The following STAU2 variants were observed in gnomAD, a reference collection of about 807,000 sequenced individuals.
STAU2 encodes double-stranded RNA-binding protein Staufen homolog 2.
In STAU2, 20 loss-of-function variants were observed where a neutral mutation model predicts 65.9. The ratio of observed to expected loss-of-function variants is 0.30; its 90% CI spans 0.21 to 0.44. The LOEUF is 0.44. STAU2 is among the 20% of genes least tolerant of loss of function. The pLI, the probability that STAU2 is intolerant of heterozygous loss-of-function variation, is 1.00. For synonymous variants in STAU2, 232 were observed against 233.9 expected, an observed-to-expected ratio of 0.99 and a Z score of 0.07; for missense variants, 558 against 683.9, an observed-to-expected ratio of 0.82 and a Z score of 2.05.
chr8:73,666,848 A>G (rs1817276466), intron 6 of STAU2, among the ~76,000 whole-genome samples: 1 of 152,186 alleles, frequency 6.6e-6, no homozygotes. Flanking sequence ...GATATATTAC[A>G]CAAACCTATT....
intron 6 of STAU2, among the ~76,000 whole-genome samples, chr8:73,663,102 A>G: frequency 6.6e-6 from 1 of 152,146 alleles, no homozygotes. Flanking sequence ...AGGGCCCAAT[A>G]TAAAATATTT....
At chr8:73,442,271 G>T (rs1465103031) in intron 13 of STAU2, among the ~76,000 whole-genome samples, 5 of 151,192 alleles carry the variant, frequency 3.3e-5, no homozygotes, top group African/African-American at 1.2e-4. Context: ...GGAGAATGGT[G>T]TGAACTTGGA....
At chr8:73,693,474 C>CATA (rs1819500517) in intron 4 of STAU2, among the ~76,000 whole-genome samples, 1 of 68,450 alleles carries the variant, frequency 1.5e-5, no homozygotes, top group South Asian at 4.8e-4. Context: ...GACTCCGTCT[C>CATA]AAAAAAAAAA....
intron 9 of STAU2, among the ~76,000 whole-genome samples, chr8:73,608,611 A>AC (rs1563455038): frequency 2.8e-5 from 1 of 36,320 alleles, no homozygotes; most frequent in African/African-American, 7.4e-5. Context: ...ACTCCGTCCC[A>AC]TAAAAAAAAA....
chr8:73,747,142 G>A (rs1424193123), upstream of STAU2, among the ~76,000 whole-genome samples: 2 of 151,796 alleles, frequency 1.3e-5, no homozygotes, highest in African/African-American at 4.8e-5. Context: ...GGCTAGCGGC[G>A]GCGAGCTGGG....
chr8:73,482,699 G>C (rs570233991), intron 13 of STAU2, among the ~76,000 whole-genome samples: 1 of 152,126 alleles, frequency 6.6e-6, no homozygotes, highest in South Asian at 2.1e-4. Flanking sequence ...TTCATGGTCA[G>C]AGAAATTAAG....
intron 13 of STAU2, among the ~76,000 whole-genome samples, chr8:73,549,056 A>G (rs771989952): frequency 1.2e-4 from 19 of 152,204 alleles, no homozygotes; most frequent in Non-Finnish European, 2.4e-4. Flanking sequence ...CTTTTGCATA[A>G]TAAGTTTCTT....
chr8:73,532,812 A>ACAAAGCTTAATACTTTCAAC, intron 13 of STAU2, among the ~76,000 whole-genome samples: 1 of 152,292 alleles, frequency 6.6e-6, no homozygotes, highest in South Asian at 2.1e-4. Context: ...AAGTCTTTAG[A>ACAAAGCTTAATACTTTCAAC]CAAAGCTTAA....
At chr8:73,680,447 C>T (rs987658485) in intron 5 of STAU2, among the ~76,000 whole-genome samples, 3 of 152,050 alleles carry the variant, frequency 2.0e-5, no homozygotes, top group Non-Finnish European at 2.9e-5. Context: ...GGGATCATCC[C>T]GTGGGATAAA....
chr8:73,739,996 T>C (rs752895860), intron 1 of STAU2, 128 bp from the exon 2 acceptor site: 50 of 582,508 alleles, frequency 8.6e-5, no homozygotes, highest in Middle Eastern at 5.6e-4. Flanking sequence ...TGGTGCCCTT[T>C]GGAGAGGCCC....
chr8:73,577,290 T>A (rs542372301), intron 12 of STAU2, among the ~76,000 whole-genome samples: 1 of 151,728 alleles, frequency 6.6e-6, no homozygotes, highest in East Asian at 1.9e-4. Flanking sequence ...TAGCCGGGCG[T>A]GGTGGCAGGC....
rs552158042 is a variant in STAU2, at chr8:73,513,419, G to A, written c.1530+38593C>T. Among the ~76,000 whole-genome samples the A allele has an allele frequency of 6.6e-5, 10 of 152,250 alleles. No homozygotes were observed. The South Asian group carries it at 2.1e-3, about 32-fold the overall frequency. ...GTAAAGCTTTTACCCTCTGCCCATG[G>A]GTCTGTGGTTGGGTTGGGGGAGCCC... On this transcript the variant is annotated intron_variant, in intron 13 of 14. Transcript: ENST00000524300.
chr8:73,562,486 T>C (rs967554609), intron 12 of STAU2, among the ~76,000 whole-genome samples: 1 of 151,406 alleles, frequency 6.6e-6, no homozygotes, highest in Non-Finnish European at 1.5e-5. Context: ...TTAAAAAAGA[T>C]AGAGAGAGAG....
chr8:73,508,699 G>A (rs1822205821), intron 13 of STAU2, among the ~76,000 whole-genome samples: 1 of 152,156 alleles, frequency 6.6e-6, no homozygotes, highest in South Asian at 2.1e-4. Flanking sequence ...AATGAGCTAT[G>A]CCTGTAATTT....
chr8:73,546,823 T>C (rs1192756884), intron 13 of STAU2, among the ~76,000 whole-genome samples: 1 of 152,166 alleles, frequency 6.6e-6, no homozygotes, highest in African/African-American at 2.4e-5. Context: ...GGTATACAGC[T>C]GCCATCCACC....
chr8:73,559,843 A>G (rs1022354112), intron 12 of STAU2, among the ~76,000 whole-genome samples: 2 of 152,188 alleles, frequency 1.3e-5, no homozygotes, highest in African/African-American at 4.8e-5. Flanking sequence ...TCAGACCCTT[A>G]GTTCTGCCTA....
intron 13 of STAU2, among the ~76,000 whole-genome samples, chr8:73,495,559 G>A (rs1483665472): frequency 6.7e-6 from 1 of 150,198 alleles, no homozygotes; most frequent in Non-Finnish European, 1.5e-5. Context: ...CAAATAAAAT[G>A]TCAATAAAAA....
chr8:73,694,353 A>C (rs1225047026), intron 4 of STAU2, among the ~76,000 whole-genome samples: 1 of 152,258 alleles, frequency 6.6e-6, no homozygotes, highest in Admixed American at 6.5e-5. Flanking sequence ...CACTGTTAGA[A>C]TACTCCAACC....
intron 13 of STAU2, among the ~76,000 whole-genome samples, chr8:73,452,989 T>G (rs1471838875): frequency 6.6e-6 from 1 of 152,232 alleles, no homozygotes; most frequent in East Asian, 1.9e-4. Flanking sequence ...GGGGTCCATT[T>G]GTTCCACGTT....
Sources: allele counts gnomAD v4.1 joint callset (sites outside exome capture counted in the v4.1 genomes callset), GRCh38; gene constraint gnomAD v4.1.1; transcripts MANE v1.5; gene names NCBI Gene and HGNC (gene_info 2026-07-23, HGNC 2026-07-21).